The following GLMN variants were observed in gnomAD, a reference collection of about 807,000 sequenced individuals.
GLMN encodes glomulin.
GLMN carries 75 observed loss-of-function variants against 87.8 expected under a neutral mutation model. The ratio of observed to expected loss-of-function variants is 0.85; its 90% confidence interval spans 0.71 to 1.04. The LOEUF (loss-of-function observed/expected upper bound fraction) is 1.04. GLMN is among the 50% of genes least tolerant of loss of function. The pLI is 0.00. For synonymous variants in GLMN, 206 were observed against 221.6 expected, an observed-to-expected ratio of 0.93 and a Z score of 0.63; for missense variants, 588 against 658.8, an observed-to-expected ratio of 0.89 and a Z score of 1.18.
chr1:92,269,200 CTTTT>C (rs769947623), intron 9 of GLMN, among the ~76,000 whole-genome samples: 1 of 132,104 alleles, frequency 7.6e-6, no homozygotes, highest in Admixed American at 7.6e-5. Flanking sequence ...CCGTGCCTGG[CTTTT>C]TTTTTTTTTT....
chr1:92,286,514 G>GA lies in GLMN; in HGVS notation c.710dup (p.Arg238GlnfsTer24). 6.3e-7 allele frequency: 1 copy of GA among 1,578,842 alleles called. No homozygotes were observed. Among genetic ancestry groups the GA allele is most frequent in the Non-Finnish European group, 8.7e-7 (1 of 1,148,052 alleles). On this transcript the variant is annotated frameshift_variant, in exon 7 of 19. Coordinates refer to ENST00000370360, the MANE Select transcript of GLMN (RefSeq NM_053274.3). LOFTEE classifies it high-confidence loss of function. ...CTATTATTTCTGATGCAAAATACCT[G>GA]AAAGGATCATTTCCACCTTCTTCAG... is the stretch of plus-strand genomic sequence containing the variant.
the GLMN span, chr1:92,307,320 A>G: frequency 9.0e-6 from 12 of 1,331,764 alleles, no homozygotes; most frequent in Non-Finnish European, 1.1e-5. Flanking sequence ...ATATATTCTA[A>G]TAATTTGTTT....
the GLMN span, among the ~76,000 whole-genome samples, chr1:92,305,432 C>CAAAAAAAAAAAAAAAAAAAAAAA: frequency 1.0e-3 from 55 of 52,662 alleles, 1 homozygote; most frequent in African/African-American, 2.1e-3. Context: ...GGCTCCGTCT[C>CAAAAAAAAAAAAAAAAAAAAAAA]AAAAAAAAAA....
In GLMN at chr1:92,282,772, C is replaced by G. The variant is rs558845029; in HGVS notation, c.735+3718G>C. ...AAAAGAGAGAAGAATCAAATAGATG[C>G]AATAAAAAATGATAAAGGGGATATC... is the stretch of plus-strand genomic sequence containing the variant. On this transcript the variant is annotated intron_variant, in intron 7 of 18. Coordinates refer to ENST00000370360, the MANE Select transcript of GLMN (RefSeq NM_053274.3). Among the ~76,000 whole-genome samples, 49 of 152,056 alleles carry G rather than the reference C, an allele frequency of 3.2e-4. 1 individual carries two copies. Among genetic ancestry groups the G allele is most frequent in the Middle Eastern group, 6.8e-3 (2 of 294 alleles).
intron 6 of GLMN, among the ~76,000 whole-genome samples, chr1:92,288,218 A>G (rs900591532): frequency 6.6e-6 from 1 of 152,090 alleles, no homozygotes; most frequent in Non-Finnish European, 1.5e-5. Context: ...TTTGTGGTCC[A>G]GTTGGATGTT....
At chr1:92,353,418 T>G in the GLMN span, among the ~76,000 whole-genome samples, 1 of 152,214 alleles carries the variant, frequency 6.6e-6, no homozygotes, top group Admixed American at 6.6e-5. Context: ...AACTTAAATA[T>G]GCCTAATCTC....
the GLMN span, among the ~76,000 whole-genome samples, chr1:92,348,813 A>G: frequency 6.6e-6 from 1 of 152,190 alleles, no homozygotes; most frequent in African/African-American, 2.4e-5. Context: ...TTTAATGTGT[A>G]TTTCCACCCC....
At chr1:92,298,700 C>G (rs1306063686) in intron 1 of GLMN, among the ~76,000 whole-genome samples, 2 of 152,112 alleles carry the variant, frequency 1.3e-5, no homozygotes, top group Admixed American at 6.5e-5. Context: ...TCAGTAGGGG[C>G]GCGAGTCAGC....
chr1:92,276,543 T>G (rs1647316848), intron 7 of GLMN, among the ~76,000 whole-genome samples: 1 of 152,082 alleles, frequency 6.6e-6, no homozygotes, highest in South Asian at 2.1e-4. Flanking sequence ...GTGCCTGCAG[T>G]CCCAGCTACT....
chr1:92,257,750 C>T (rs1000609340), intron 16 of GLMN, among the ~76,000 whole-genome samples: 7 of 152,054 alleles, frequency 4.6e-5, no homozygotes, highest in Admixed American at 4.6e-4. Flanking sequence ...ATTAACTTGA[C>T]ATGGATTAAA....
the GLMN span, among the ~76,000 whole-genome samples, chr1:92,358,754 T>TA: frequency 9.1e-3 from 1,351 of 148,308 alleles, 20 homozygotes; most frequent in African/African-American, 0.029. Context: ...TGCTCAGCTT[T>TA]AAAAAAAAAA....
the GLMN span, among the ~76,000 whole-genome samples, chr1:92,361,878 T>G: frequency 6.6e-6 from 1 of 152,084 alleles, no homozygotes. Flanking sequence ...ATAGAAGAAT[T>G]GGTTATAGAG....
the GLMN span, among the ~76,000 whole-genome samples, chr1:92,321,940 C>CT: frequency 8.2e-6 from 1 of 122,556 alleles, no homozygotes; most frequent in African/African-American, 3.0e-5. Flanking sequence ...ATGAAATTTT[C>CT]TTTCTTTTTT....
chr1:92,344,835 T>TTTTCAAATTTCACGGTCCA, the GLMN span, among the ~76,000 whole-genome samples: 31 of 152,310 alleles, frequency 2.0e-4, no homozygotes, highest in East Asian at 5.4e-3. Flanking sequence ...GAGATTGAGC[T>TTTTCAAATTTCACGGTCCA]TTTCAAATTT....
the GLMN span, chr1:92,304,041 G>A: frequency 6.2e-7 from 1 of 1,612,850 alleles, no homozygotes; most frequent in Non-Finnish European, 8.5e-7. Context: ...GTCAAACTCT[G>A]TGGTTATCCT....
chr1:92,320,431 T>G, the GLMN span, among the ~76,000 whole-genome samples: 1 of 151,974 alleles, frequency 6.6e-6, no homozygotes, highest in Admixed American at 6.5e-5. Context: ...CACCGCCATG[T>G]CCAGCTAATT....
the GLMN span, among the ~76,000 whole-genome samples, chr1:92,315,424 A>G: frequency 6.6e-6 from 1 of 152,256 alleles, no homozygotes; most frequent in East Asian, 1.9e-4. Context: ...CCAAACTGTG[A>G]CACAGAGAAC....
At chr1:92,339,735 G>A in the GLMN span, among the ~76,000 whole-genome samples, 1 of 151,852 alleles carries the variant, frequency 6.6e-6, no homozygotes, top group Non-Finnish European at 1.5e-5. Flanking sequence ...GAAAAATACA[G>A]CCGGGCACAG....
intron 16 of GLMN, among the ~76,000 whole-genome samples, chr1:92,261,043 C>T (rs1009836672): frequency 4.6e-5 from 7 of 152,162 alleles, no homozygotes; most frequent in Non-Finnish European, 8.8e-5. Flanking sequence ...CAAGTAGGTA[C>T]AGCCTTTCTT....
Sources: allele counts gnomAD v4.1 joint callset (sites outside exome capture counted in the v4.1 genomes callset), GRCh38; gene constraint gnomAD v4.1.1; transcripts MANE v1.5; gene names NCBI Gene and HGNC (gene_info 2026-07-23, HGNC 2026-07-21).